AFAP1: variants seen among roughly 807,000 people sequenced by gnomAD.
AFAP1 encodes the protein actin filament associated protein 1.
In AFAP1, 75 loss-of-function variants were observed where a neutral mutation model predicts 93.9. The ratio of observed to expected loss-of-function variants is 0.80; its 90% CI spans 0.66 to 0.97. AFAP1 has a LOEUF of 0.97. Ranked by LOEUF, AFAP1 falls within the 50% of genes least tolerant of loss-of-function variation. The pLI, the probability that AFAP1 is intolerant of heterozygous loss-of-function variation, is 0.00. For synonymous variants in AFAP1, 517 were observed against 430.7 expected, an observed-to-expected ratio of 1.20 and a Z score of -2.48; for missense variants, 1,201 against 1,050.8, an observed-to-expected ratio of 1.14 and a Z score of -1.98.
intron 1 of AFAP1, among the ~76,000 whole-genome samples, chr4:7,882,719 C>A (rs957345949): frequency 7.9e-5 from 12 of 152,070 alleles, no homozygotes; most frequent in African/African-American, 2.9e-4. Flanking sequence ...ATTAGCAGGG[C>A]GTGGTGGCAC....
At chr4:7,928,357 C>G (rs1008697633) in intron 1 of AFAP1, among the ~76,000 whole-genome samples, 5 of 152,124 alleles carry the variant, frequency 3.3e-5, no homozygotes, top group African/African-American at 9.7e-5. Flanking sequence ...CCACACGTAC[C>G]CAGGCTGGGT....
At chr4:7,776,386 ATGTGTG>A (rs967879933) in intron 14 of AFAP1, 6 of 151,560 alleles carry the variant, frequency 4.0e-5, no homozygotes, top group Non-Finnish European at 8.8e-5. Context: ...GTGTGTGTGT[ATGTGTG>A]TGTGCGTGCG....
rs985140318 is a variant in AFAP1, at chr4:7,778,446, G to A, written c.1897+316C>T. 4.4e-5 allele frequency: 19 copies of A among 433,962 alleles called. No individual in the cohort carries two copies. The East Asian group carries it at 8.0e-4, about 18-fold the overall frequency. 26.9% of individuals were successfully genotyped at this position (433,962 alleles called of 1,614,324 possible). On this transcript the variant is annotated intron_variant, in intron 14 of 17. Coordinates refer to ENST00000420658, the MANE Select transcript of AFAP1 (RefSeq NM_001134647.2). ...ACCACAGATCAGGGACAGGAGCTGA[G>A]GTCTCCTGACCTGGAGCCCAGGGCC...
At chr4:7,790,934 CTGGGTGTATGTAACATGTGGCT>C (rs1717809686) in intron 11 of AFAP1, among the ~76,000 whole-genome samples, 1 of 152,184 alleles carries the variant, frequency 6.6e-6, no homozygotes, top group African/African-American at 2.4e-5. Context: ...TTGACCTTAG[CTGGGTGTATGTAACATGTGGCT>C]TGAGTCCTAA....
Position 7,834,128 on chromosome 4 carries a change from C to CACACACACACACATAT in AFAP1, c.726+4395_726+4396insATATGTGTGTGTGTGT, listed in dbSNP as rs756961714. Among the ~76,000 whole-genome samples the CACACACACACACATAT allele has an allele frequency of 8.1e-3, 968 of 119,408 alleles. 12 individuals are homozygous for CACACACACACACATAT. The highest frequency in any genetic ancestry group is 0.033 in the African/African-American group (847 of 25,454). 78.3% of individuals were successfully genotyped at this position (119,408 alleles called of 152,430 possible). A position where few individuals can be genotyped will look rare whatever the true frequency, so the allele number is the denominator to read the frequency against. On this transcript the variant is annotated intron_variant, in intron 6 of 17. Transcript: ENST00000420658. ...ACACACACACACACACACACACACA[C>CACACACACACACATAT]ATATATACAATGGAATACTACTCAG...
Position 7,772,952 on chromosome 4 carries a change from C to T in AFAP1, c.2121G>A (p.Arg707=). Residue 707 remains arginine (R), a synonymous_variant, in exon 16 of 18, where the codon CGG becomes CGA. Transcript: ENST00000420658. ...GGCTGACACGCTCCGCCTCCTTCTG[C>T]CGGCACTCCTCCTCCAGCTGCTTCA... ...EKLKQLEEEC[R]QKEAERVSLE... 1 of 1,613,518 alleles carries T rather than the reference C, an allele frequency of 6.2e-7. No individual in the cohort carries two copies.
At chr4:7,777,148 C>T (rs887969814) in intron 14 of AFAP1, 1 of 152,172 alleles carries the variant, frequency 6.6e-6, no homozygotes, top group African/African-American at 2.4e-5. Flanking sequence ...CAAAGCTTTC[C>T]AGGTGTGAGC....
chr4:7,848,133 G>A (rs1553846010), intron 4 of AFAP1, among the ~76,000 whole-genome samples: 15 of 69,724 alleles, frequency 2.2e-4, no homozygotes, highest in East Asian at 1.1e-3. Flanking sequence ...GGAAGGGAGT[G>A]AGTGAGGGAG....
At chr4:7,901,477 C>G (rs1027828700) in intron 1 of AFAP1, among the ~76,000 whole-genome samples, 1 of 152,246 alleles carries the variant, frequency 6.6e-6, no homozygotes, top group African/African-American at 2.4e-5. Context: ...CAGCGGCAAG[C>G]AAGACCGGTC....
At chr4:7,930,865 C>A (rs571471012) in intron 1 of AFAP1, among the ~76,000 whole-genome samples, 1 of 152,080 alleles carries the variant, frequency 6.6e-6, no homozygotes, top group East Asian at 1.9e-4. Context: ...ATTCTTGTGC[C>A]TCACCCTCCT....
At position 7,793,159 on chromosome 4, in the gene AFAP1, AGCATT is replaced by A. The variant is rs1168572778; in HGVS notation, c.1412+517_1412+521del. The stretch of plus-strand genomic sequence containing the variant: ...AAAGGACGTTTTTATAGATGACTGC[AGCATT>A]TTTTTTTTTAAAAAAATCACAATTT... On this transcript the variant is annotated intron_variant, in intron 11 of 17. Transcript: ENST00000420658. Among the ~76,000 whole-genome samples the A allele has an allele frequency of 1.5e-4, 20 of 134,128 alleles. No individual in the cohort carries two copies. The South Asian group carries it at 1.9e-3, about 12-fold the overall frequency. 88.0% of individuals were successfully genotyped at this position (134,128 alleles called of 152,430 possible).
chr4:7,918,526 C>A (rs943764063), intron 1 of AFAP1, among the ~76,000 whole-genome samples: 1 of 130,770 alleles, frequency 7.6e-6, no homozygotes, highest in Non-Finnish European at 1.6e-5. Context: ...AAGAGACACT[C>A]GGCCCAGGTC....
intron 14 of AFAP1, chr4:7,776,621 A>G (rs1716154349): frequency 6.6e-6 from 1 of 152,182 alleles, no homozygotes; most frequent in South Asian, 2.1e-4. Context: ...CATGATTTCA[A>G]TGAAATACTG....
At chr4:7,803,013 C>T (rs1407991129) in intron 9 of AFAP1, among the ~76,000 whole-genome samples, 3 of 152,186 alleles carry the variant, frequency 2.0e-5, no homozygotes, top group East Asian at 1.9e-4. Flanking sequence ...CGAGTAACAG[C>T]GCTGGGAACC....
At chr4:7,874,609 T>G (rs1577325971) in intron 1 of AFAP1, among the ~76,000 whole-genome samples, 1 of 139,480 alleles carries the variant, frequency 7.2e-6, no homozygotes, top group Non-Finnish European at 1.5e-5. Context: ...GGTCTCGATC[T>G]CCTGACCTCA....
intron 1 of AFAP1, among the ~76,000 whole-genome samples, chr4:7,898,756 G>A (rs941119015): frequency 2.0e-5 from 3 of 148,614 alleles, no homozygotes; most frequent in African/African-American, 5.0e-5. Flanking sequence ...ATTTTTTCAC[G>A]AACACTAAAA....
chr4:7,798,304 CCTATTGGCTGGCTCACGGCATTGCAACT>C (rs1244755433), intron 10 of AFAP1, among the ~76,000 whole-genome samples: 4,463 of 79,186 alleles, frequency 0.056, 392 homozygotes, highest in East Asian at 0.4. Flanking sequence ...GCATTGCAAC[CCTATTGGCTGGCTCACGGCATTGCAACT>C]CTATTGGCTG....
chr4:7,918,965 T>C (rs868718161), intron 1 of AFAP1, among the ~76,000 whole-genome samples: 4,850 of 29,542 alleles, frequency 0.16, 69 homozygotes, highest in African/African-American at 0.34. Flanking sequence ...AACAGGGCTG[T>C]TGGAAGAGAC....
intron 8 of AFAP1, 59 bp downstream of exon 8, chr4:7,815,959 A>G: frequency 6.8e-7 from 1 of 1,468,870 alleles, no homozygotes; most frequent in Non-Finnish European, 9.3e-7. Context: ...CTGGCTGTAG[A>G]TTTTTGTTTT....
Sources: gnomAD v4.1 joint callset for allele counts (sites outside exome capture counted in the v4.1 genomes callset) on GRCh38, gnomAD v4.1.1 for gene constraint, MANE v1.5 for transcripts, NCBI Gene and HGNC (gene_info 2026-07-23, HGNC 2026-07-21) for gene names.